The following NINL variants were observed in gnomAD, a reference collection of about 807,000 sequenced individuals.
The protein encoded by NINL is ninein like, also known as ninein-like protein.
Under a neutral mutation model 160.3 loss-of-function variants are expected in NINL, and 153 were observed. The observed-to-expected ratio is 0.95, with a 90% CI of 0.84 to 1.09. The LOEUF (loss-of-function observed/expected upper bound fraction) is 1.09. Among genes scored for constraint, NINL ranks in the 50% least tolerant of loss-of-function variants. NINL has a pLI of 0.00. For missense variants in NINL, 1,829 were observed against 1,764.0 expected, an observed-to-expected ratio of 1.04 and a Z score of -0.66; for synonymous variants, 800 against 734.8, an observed-to-expected ratio of 1.09 and a Z score of -1.43.
In NINL at chr20:25,477,089, C is replaced by A. The variant is rs1440711960; in HGVS notation, c.2202G>T (p.Arg734Ser). ...CACTCAGCTCCGCCTCAGCCTCTCT[C>A]CTGTGGAAGTAGAACCGTCACACAC... ...LRHHSHLQQI[R>S]REAEAELSGE... Residue 734 changes from arginine (R) to serine (S), a missense_variant and splice_region_variant, in exon 17 of 24, where the codon AGG becomes AGT. Physicochemically the swap from Arg to Ser is moderately radical, Grantham distance 110. Transcript: ENST00000278886. 6 of 1,590,302 alleles carry A rather than the reference C, an allele frequency of 3.8e-6. No homozygotes were observed. Among genetic ancestry groups the A allele is most frequent in the Non-Finnish European group, 5.1e-6 (6 of 1,175,918 alleles).
intron 1 of NINL, among the ~76,000 whole-genome samples, chr20:25,566,915 A>C (rs2065004306): frequency 6.6e-6 from 1 of 152,118 alleles, no homozygotes; most frequent in Non-Finnish European, 1.5e-5. Context: ...CCACTTCGGG[A>C]GGTTGAGGCA....
rs774544583 is a variant in NINL, at chr20:25,476,293, G to GGGCCTGCTGCTCCGA, written c.2983_2997dup (p.Ser995_Ala999dup). On this transcript the variant is annotated inframe_insertion, in exon 17 of 24. Transcript: ENST00000278886. The stretch of plus-strand genomic sequence containing the variant: ...CCAGGCTCCAGGGCGCCCTCGGCCC[G>GGGCCTGCTGCTCCGA]GGCCTGCTGCTCCGAGGCCTGCTCC... 23 of 1,613,266 alleles carry GGGCCTGCTGCTCCGA rather than the reference G, an allele frequency of 1.4e-5. No homozygotes were observed. Among genetic ancestry groups the GGGCCTGCTGCTCCGA allele is most frequent in the Non-Finnish European group, 1.9e-5 (22 of 1,179,986 alleles).
chr20:25,462,915 A>G (rs989307867), intron 19 of NINL, among the ~76,000 whole-genome samples: 5 of 152,168 alleles, frequency 3.3e-5, no homozygotes, highest in African/African-American at 7.2e-5. Flanking sequence ...TCAGCCTCCC[A>G]AAGTGCTGGG....
At chr20:25,498,721 GTGAGCCT>G (rs1011922380) in intron 8 of NINL, among the ~76,000 whole-genome samples, 3 of 152,246 alleles carry the variant, frequency 2.0e-5, no homozygotes, top group Non-Finnish European at 4.4e-5. Context: ...TTTTAAGGAT[GTGAGCCT>G]TGGGATTCCC....
At chr20:25,519,274 C>T (rs1004726497) in intron 2 of NINL, among the ~76,000 whole-genome samples, 1 of 152,160 alleles carries the variant, frequency 6.6e-6, no homozygotes, top group Non-Finnish European at 1.5e-5. Flanking sequence ...ACACTCCTGA[C>T]TTCAATGCCT....
At chr20:25,512,189 A>T (rs1464037268) in intron 4 of NINL, among the ~76,000 whole-genome samples, 1 of 152,208 alleles carries the variant, frequency 6.6e-6, no homozygotes, top group Non-Finnish European at 1.5e-5. Flanking sequence ...CCCAGGACGC[A>T]TTGGCTCATA....
chr20:25,570,900 A>G (rs777202446), intron 1 of NINL, among the ~76,000 whole-genome samples: 1 of 151,638 alleles, frequency 6.6e-6, no homozygotes, highest in Non-Finnish European at 1.5e-5. Context: ...ACGGGGTTTC[A>G]CCATGTTGGC....
chr20:25,583,655 C>G (rs1295288129), intron 1 of NINL, among the ~76,000 whole-genome samples: 1 of 152,166 alleles, frequency 6.6e-6, no homozygotes, highest in Non-Finnish European at 1.5e-5. Flanking sequence ...AATCATTCTA[C>G]TATAAAGACA....
chr20:25,489,359 C>A (rs1481713898), intron 12 of NINL, 35 bp from the exon 13 acceptor site: 1 of 1,599,066 alleles, frequency 6.3e-7, no homozygotes, highest in Non-Finnish European at 8.5e-7. Flanking sequence ...CACGGGTGGG[C>A]CTCGGGCCAG....
At chr20:25,460,047 C>T (rs1418489339) in intron 21 of NINL, among the ~76,000 whole-genome samples, 2 of 152,180 alleles carry the variant, frequency 1.3e-5, no homozygotes, top group African/African-American at 4.8e-5. Context: ...TCCCTTTGCC[C>T]TCTGAGCTCC....
intron 1 of NINL, chr20:25,540,079 T>G (rs1227579122): frequency 1.6e-6 from 2 of 1,275,472 alleles, no homozygotes; most frequent in Non-Finnish European, 2.0e-6. Flanking sequence ...TTATTAATAC[T>G]CCTTGGTATT....
At position 25,461,571 on chromosome 20, in the gene NINL, T is replaced by A; in HGVS notation, c.3647A>T (p.Gln1216Leu). The change falls in exon 21 of 24, where the codon CAG (glutamine) becomes CTG (leucine). Residue 1216 changes from glutamine (Q) to leucine (L), a missense_variant. Gln to Leu is a moderately radical substitution (Grantham distance 113). Coordinates refer to ENST00000278886, the MANE Select transcript of NINL (RefSeq NM_025176.6). ...ECLNQEHQSL[Q>L]LPWSELTQTL... is the part of the protein sequence containing the mutation. ...CTGGGTCAGCTCTGACCATGGCAGC[T>A]GCAGGCTCTGATGTTCCTGATTCAG... 6.2e-7 allele frequency: 1 copy of A among 1,607,630 alleles called. No individual in the cohort carries two copies.
chr20:25,559,900 C>T (rs931732299), intron 1 of NINL, among the ~76,000 whole-genome samples: 1 of 151,898 alleles, frequency 6.6e-6, no homozygotes, highest in South Asian at 2.1e-4. Flanking sequence ...AGCCAGCATG[C>T]CCCGCCTTGC....
Position 25,476,260 on chromosome 20 carries a change from T to A in NINL, c.3031A>T (p.Lys1011Ter), listed in dbSNP as rs753305691. ...AEGALEPGCH[K>*]HSVEVARRGS... Reference sequence around the variant, plus strand: ...CTCCTGGCAACCTCCACACTGTGCTTGTGACACCCAGGCTCCAGGGCGCCC... The same window carrying A: ...CTCCTGGCAACCTCCACACTGTGCTAGTGACACCCAGGCTCCAGGGCGCCC... Residue 1011 changes from lysine (K) to a stop codon, truncating the protein, a stop_gained, in exon 17 of 24, where the codon AAG (lysine) becomes TAG (stop). Coordinates refer to ENST00000278886, the MANE Select transcript of NINL (RefSeq NM_025176.6). LOFTEE classifies it high-confidence loss of function. The A allele has an allele frequency of 7.4e-6, 12 of 1,613,910 alleles. No homozygotes were observed. The South Asian group carries it at 1.1e-4, about 15-fold the overall frequency.
At chr20:25,525,168 G>A (rs2146956160) in intron 2 of NINL, among the ~76,000 whole-genome samples, 1 of 152,270 alleles carries the variant, frequency 6.6e-6, no homozygotes, top group East Asian at 1.9e-4. Context: ...TGCCTGAGGA[G>A]AGTTCCTTAT....
Position 25,496,695 on chromosome 20 carries a change from G to A in NINL, c.1278C>T (p.Ser426=), listed in dbSNP as rs1206171476. The A allele has an allele frequency of 1.2e-6, 2 of 1,613,972 alleles. No individual in the cohort carries two copies. The highest frequency in any genetic ancestry group is 2.7e-5 in the African/African-American group (2 of 74,904). The part of the protein sequence containing the change: ...EFVKEMDDCH[S]TLEQLTEKKI... ...TCTTCTCCGTGAGCTGCTCCAGGGTGGAGTGGCAGTCGTCCATCTCTTTCA... is the reference window on the plus strand; with the variant it reads ...TCTTCTCCGTGAGCTGCTCCAGGGTAGAGTGGCAGTCGTCCATCTCTTTCA... Residue 426 remains serine, a synonymous_variant, in exon 10 of 24, where the codon TCC becomes TCT. Transcript: ENST00000278886.
chr20:25,462,615 CATT>C (rs1182048766), intron 19 of NINL, 74 bp from the exon 20 acceptor site: 35 of 1,280,286 alleles, frequency 2.7e-5, no homozygotes, highest in Non-Finnish European at 3.3e-5. Flanking sequence ...ATTTGCCCAT[CATT>C]GGCTATATTT....
chr20:25,553,103 G>GTTTTTT (rs760131174), intron 1 of NINL, among the ~76,000 whole-genome samples: 1,193 of 57,244 alleles, frequency 0.021, 35 homozygotes, highest in East Asian at 0.037. Context: ...ACCCTTGTTG[G>GTTTTTT]GTTTTTTTTT....
chr20:25,547,168 C>T (rs2064744001), intron 1 of NINL, among the ~76,000 whole-genome samples: 1 of 152,104 alleles, frequency 6.6e-6, no homozygotes, highest in African/African-American at 2.4e-5. Context: ...TTCAACTACA[C>T]CAGCGTTTAT....
Sources: allele counts gnomAD v4.1 joint callset (sites outside exome capture counted in the v4.1 genomes callset), GRCh38; gene constraint gnomAD v4.1.1; transcripts MANE v1.5; gene names NCBI Gene and HGNC (gene_info 2026-07-23, HGNC 2026-07-21).